Variants in IQSEC1 observed in about 807,000 individuals in gnomAD.
The protein encoded by IQSEC1 is IQ motif and Sec7 domain ArfGEF 1.
A neutral mutation model predicts 91.0 loss-of-function variants in IQSEC1; 31 were observed. That is an observed-to-expected ratio of 0.34 (90% CI 0.26 to 0.46). IQSEC1 has a LOEUF of 0.46. Among genes scored for constraint, IQSEC1 ranks in the 20% least tolerant of loss-of-function variants. The probability of loss-of-function intolerance (pLI) is 1.00; values close to 1 mark genes in which losing one functional copy is unlikely to be tolerated. For synonymous variants in IQSEC1, 699 were observed against 662.6 expected (o/e 1.05, Z -0.84); for missense variants, 1,388 against 1,575.6 (o/e 0.88, Z 2.02).
intron 1 of IQSEC1, among the ~76,000 whole-genome samples, chr3:13,237,301 G>T (rs1351389202): frequency 2.0e-5 from 3 of 149,662 alleles, no homozygotes; most frequent in African/African-American, 7.7e-5. Flanking sequence ...GACACCCTGT[G>T]GAAGGTGGGG....
At chr3:13,078,518 G>A (rs1272492548) in intron 2 of IQSEC1, among the ~76,000 whole-genome samples, 1 of 152,014 alleles carries the variant, frequency 6.6e-6, no homozygotes, top group Non-Finnish European at 1.5e-5. Context: ...GGAAGGCCAG[G>A]AGCCTCCTCT....
intron 1 of IQSEC1, among the ~76,000 whole-genome samples, chr3:13,241,564 C>A (rs982383480): frequency 6.6e-6 from 1 of 152,230 alleles, no homozygotes; most frequent in African/African-American, 2.4e-5. Context: ...CCAATGAGTG[C>A]TTGGTGGTTT....
Position 12,913,374 on chromosome 3 carries a change from C to T in IQSEC1, c.2316+54G>A, listed in dbSNP as rs988414737. ...CCCACGCAGACAGCCAGACATGGAC[C>T]CTGGGCTCAGGCTTGAGGTCCCTGC... On this transcript the variant is annotated intron_variant, in intron 9 of 13. Transcript: ENST00000613206. 31 of 1,528,936 alleles carry T rather than the reference C, an allele frequency of 2.0e-5. No homozygotes were observed. In the East Asian group the frequency reaches 6.5e-4, roughly 32 times the overall value. 94.7% of individuals were successfully genotyped at this position (1,528,936 alleles called of 1,614,324 possible).
rs146220208 is a variant in IQSEC1, at chr3:13,169,980, C to T, written c.273-5847G>A. Among the ~76,000 whole-genome samples the T allele has an allele frequency of 5.7e-3, 872 of 152,282 alleles. 4 individuals are homozygous for T. Among genetic ancestry groups the T allele is most frequent in the African/African-American group, 0.018 (766 of 41,544 alleles). On this transcript the variant is annotated intron_variant, in intron 1 of 15. Transcript: ENST00000648114. Reference sequence around the variant, plus strand: ...GAAATTTACATAAGTAATGAGAAGCCGAATGTTAATCCCCAAGACAATAGG... The same window carrying T: ...GAAATTTACATAAGTAATGAGAAGCTGAATGTTAATCCCCAAGACAATAGG...
chr3:13,242,863 G>A (rs2125105170), intron 1 of IQSEC1, among the ~76,000 whole-genome samples: 1 of 152,128 alleles, frequency 6.6e-6, no homozygotes, highest in Non-Finnish European at 1.5e-5. Flanking sequence ...AGGGAGGGAA[G>A]AGGAGAGGAG....
chr3:13,146,106 A>G (rs1485927003), intron 2 of IQSEC1, among the ~76,000 whole-genome samples: 2 of 151,118 alleles, frequency 1.3e-5, no homozygotes, highest in Non-Finnish European at 2.9e-5. Context: ...TCTTGCCTCA[A>G]CCTCCTAAGT....
At chr3:13,066,230 T>G (rs1559245526) in intron 1 of IQSEC1, among the ~76,000 whole-genome samples, 1 of 152,250 alleles carries the variant, frequency 6.6e-6, no homozygotes, top group Non-Finnish European at 1.5e-5. Flanking sequence ...ATGTGGTCGA[T>G]CTGCACAACG....
At chr3:13,156,825 G>A (rs921723929) in intron 2 of IQSEC1, among the ~76,000 whole-genome samples, 2 of 152,218 alleles carry the variant, frequency 1.3e-5, no homozygotes, top group African/African-American at 4.8e-5. Flanking sequence ...GGTGAGACCT[G>A]GGGGAGCATG....
chr3:13,096,251 ACCT>A, intron 2 of IQSEC1, among the ~76,000 whole-genome samples: 1 of 151,962 alleles, frequency 6.6e-6, no homozygotes, highest in South Asian at 2.1e-4. Context: ...CACAGGTAAG[ACCT>A]CCAGGCTACG....
At chr3:13,070,739 A>G (rs1014549849) in intron 1 of IQSEC1, among the ~76,000 whole-genome samples, 4 of 152,214 alleles carry the variant, frequency 2.6e-5, no homozygotes, top group Non-Finnish European at 5.9e-5. Context: ...CAATGCTCAG[A>G]CTGGGAGCCT....
intron 2 of IQSEC1, among the ~76,000 whole-genome samples, chr3:13,085,452 T>C (rs920951385): frequency 2.0e-5 from 3 of 151,728 alleles, no homozygotes; most frequent in African/African-American, 7.3e-5. Context: ...TCACCTTCAA[T>C]ACTCGTTCAA....
chr3:13,169,519 C>G (rs2124997790), intron 1 of IQSEC1, among the ~76,000 whole-genome samples: 1 of 152,290 alleles, frequency 6.6e-6, no homozygotes, highest in Admixed American at 6.5e-5. Flanking sequence ...CGGGTTGGAA[C>G]AGTTTGGAGG....
At chr3:12,981,263 A>C (rs1055825065) in intron 1 of IQSEC1, among the ~76,000 whole-genome samples, 5 of 152,194 alleles carry the variant, frequency 3.3e-5, no homozygotes, top group Non-Finnish European at 7.3e-5. Context: ...TTCCCTATAG[A>C]TGAGGATAGT....
At chr3:12,984,998 G>A (rs897036817) in intron 1 of IQSEC1, among the ~76,000 whole-genome samples, 2 of 151,540 alleles carry the variant, frequency 1.3e-5, no homozygotes, top group Admixed American at 1.3e-4. Context: ...CTAATTTTTT[G>A]TATTTTTAGT....
At chr3:13,071,244 C>G (rs1041018235) in intron 1 of IQSEC1, among the ~76,000 whole-genome samples, 1 of 150,908 alleles carries the variant, frequency 6.6e-6, no homozygotes, top group Non-Finnish European at 1.5e-5. Context: ...CTAGTATACT[C>G]CAGGGTTCCA....
chr3:13,183,321 T>A (rs145292570), intron 1 of IQSEC1, among the ~76,000 whole-genome samples: 263 of 152,206 alleles, frequency 1.7e-3, no homozygotes, highest in African/African-American at 5.8e-3. Context: ...GAGTTTCTCA[T>A]GCTGGTAATC....
chr3:12,952,868 G>C lies in IQSEC1; in HGVS notation c.24-11003C>G, dbSNP rs1699648925. On this transcript the variant is annotated intron_variant, in intron 1 of 13. Coordinates refer to ENST00000613206, the MANE Select transcript of IQSEC1 (RefSeq NM_001134382.3). ...AGAAGATGGGGAGGTGGCAGAAGAGGGATGAGGGCTCCAAGAAGGCATGTG... is the reference window on the plus strand; with the variant it reads ...AGAAGATGGGGAGGTGGCAGAAGAGCGATGAGGGCTCCAAGAAGGCATGTG... Among the ~76,000 whole-genome samples, 3 of 152,240 alleles carry C rather than the reference G, an allele frequency of 2.0e-5. No homozygotes were observed. The South Asian group carries it at 6.2e-4, about 32-fold the overall frequency.
At chr3:13,141,949 G>A (rs907794884) in intron 2 of IQSEC1, among the ~76,000 whole-genome samples, 12 of 152,120 alleles carry the variant, frequency 7.9e-5, no homozygotes, top group South Asian at 2.1e-4. Context: ...GGAGATTTTC[G>A]GCAGCAGCAG....
intron 2 of IQSEC1, among the ~76,000 whole-genome samples, chr3:13,112,301 G>T (rs1405669371): frequency 6.6e-6 from 1 of 152,212 alleles, no homozygotes; most frequent in African/African-American, 2.4e-5. Flanking sequence ...AAGCGCGGAG[G>T]TCACTAGCCA....
Sources: allele counts gnomAD v4.1 joint callset (sites outside exome capture counted in the v4.1 genomes callset), GRCh38; gene constraint gnomAD v4.1.1; transcripts MANE v1.5; gene names NCBI Gene and HGNC (gene_info 2026-07-23, HGNC 2026-07-21).